The following PIK3R3 variants were observed in gnomAD, a reference collection of about 807,000 sequenced individuals.
The protein encoded by PIK3R3 is phosphatidylinositol 3-kinase regulatory subunit gamma.
Under a neutral mutation model 62.9 loss-of-function variants are expected in PIK3R3, and 64 were observed. That is an observed-to-expected ratio of 1.02 (90% CI 0.83 to 1.25). PIK3R3 has a LOEUF of 1.25. Ranked by LOEUF, PIK3R3 falls within the 50% of genes most tolerant of loss-of-function variation. The probability of loss-of-function intolerance (pLI) is 0.00; values close to 1 mark genes in which losing one functional copy is unlikely to be tolerated. For synonymous variants in PIK3R3, 165 were observed against 189.0 expected (o/e 0.87, Z 1.04); for missense variants, 614 against 561.6 (o/e 1.09, Z -0.94).
chr1:46,090,419 C>A (rs1489336124), intron 1 of PIK3R3, among the ~76,000 whole-genome samples: 1 of 152,152 alleles, frequency 6.6e-6, no homozygotes, highest in Non-Finnish European at 1.5e-5. Flanking sequence ...GCAACCTCCA[C>A]CTCCTAGGTT....
chr1:46,124,137 A>G (rs1272141840), intron 1 of PIK3R3, among the ~76,000 whole-genome samples: 3 of 152,202 alleles, frequency 2.0e-5, no homozygotes. Context: ...CATGTTTTCA[A>G]TAAGAAGCTC....
chr1:46,162,276 A>G, the PIK3R3 span, among the ~76,000 whole-genome samples: 1 of 152,072 alleles, frequency 6.6e-6, no homozygotes, highest in Non-Finnish European at 1.5e-5. Context: ...TGAGCCCAGG[A>G]GTTAGAGACC....
chr1:46,156,317 G>A, the PIK3R3 span, among the ~76,000 whole-genome samples: 3 of 151,772 alleles, frequency 2.0e-5, no homozygotes, highest in Non-Finnish European at 2.9e-5. Flanking sequence ...AAAATTAGCC[G>A]AGCATGGTGG....
chr1:46,171,631 C>A, the PIK3R3 span, among the ~76,000 whole-genome samples: 1 of 152,060 alleles, frequency 6.6e-6, no homozygotes, highest in Non-Finnish European at 1.5e-5. Context: ...CCTGGCGCCC[C>A]AGGGGCTGTC....
upstream of PIK3R3, among the ~76,000 whole-genome samples, chr1:46,138,002 C>T (rs576619130): frequency 2.0e-5 from 3 of 152,276 alleles, no homozygotes; most frequent in Admixed American, 2.0e-4. Context: ...CTGGCTGACC[C>T]TAGGGTCTTC....
At chr1:46,164,817 C>T in the PIK3R3 span, among the ~76,000 whole-genome samples, 1 of 151,908 alleles carries the variant, frequency 6.6e-6, no homozygotes, top group Non-Finnish European at 1.5e-5. Context: ...CATTAACATC[C>T]TTCTCTTCCT....
intron 1 of PIK3R3, among the ~76,000 whole-genome samples, chr1:46,108,022 ATC>A (rs1653377796): frequency 6.6e-6 from 1 of 152,224 alleles, no homozygotes. Flanking sequence ...AGAACTAATA[ATC>A]TCTGTCAAAT....
intron 1 of PIK3R3, among the ~76,000 whole-genome samples, chr1:46,105,647 C>A (rs1399456288): frequency 1.3e-5 from 2 of 151,988 alleles, no homozygotes; most frequent in Admixed American, 6.6e-5. Flanking sequence ...ACAGCGAAAC[C>A]CCATCTCTAC....
chr1:46,127,021 G>A (rs1459141968), intron 1 of PIK3R3, among the ~76,000 whole-genome samples: 1 of 151,832 alleles, frequency 6.6e-6, no homozygotes, highest in Non-Finnish European at 1.5e-5. Context: ...ATTATCTAAG[G>A]AAGAGACGTT....
intron 3 of PIK3R3, among the ~76,000 whole-genome samples, chr1:46,073,284 CCA>C (rs756523787): frequency 2.6e-5 from 4 of 152,102 alleles, no homozygotes; most frequent in Admixed American, 6.6e-5. Context: ...ACCCTGGAAT[CCA>C]GTTATTCCCA....
intron 1 of PIK3R3, among the ~76,000 whole-genome samples, chr1:46,097,080 C>G (rs1468406033): frequency 1.3e-5 from 2 of 151,710 alleles, no homozygotes; most frequent in Non-Finnish European, 2.9e-5. Flanking sequence ...CAAACCAACT[C>G]CAGCAACATA....
chr1:46,075,438 G>C (rs1296846282), intron 3 of PIK3R3, among the ~76,000 whole-genome samples: 9 of 152,080 alleles, frequency 5.9e-5, no homozygotes, highest in Non-Finnish European at 1.2e-4. Context: ...AACACAGGGA[G>C]ACTCCATCTC....
At chr1:46,102,137 C>T (rs1341736113) in intron 1 of PIK3R3, among the ~76,000 whole-genome samples, 11 of 151,856 alleles carry the variant, frequency 7.2e-5, no homozygotes, top group African/African-American at 2.7e-4. Context: ...AGGCGCCCAC[C>T]ACCTCGCCCG....
At chr1:46,144,721 T>TC in the PIK3R3 span, among the ~76,000 whole-genome samples, 1 of 146,908 alleles carries the variant, frequency 6.8e-6, no homozygotes, top group Non-Finnish European at 1.5e-5. Flanking sequence ...TGAGCCAAGA[T>TC]CGTGCCACTG....
intron 6 of PIK3R3, among the ~76,000 whole-genome samples, chr1:46,061,715 C>T (rs1648500774): frequency 6.6e-6 from 1 of 152,144 alleles, no homozygotes; most frequent in Non-Finnish European, 1.5e-5. Flanking sequence ...AACCTGAAGT[C>T]CTAACGGATA....
the PIK3R3 span, among the ~76,000 whole-genome samples, chr1:46,167,138 G>A: frequency 6.6e-6 from 1 of 152,274 alleles, no homozygotes. Context: ...CTGGGCCCTG[G>A]CGACCTTGGG....
chr1:46,156,212 A>T, the PIK3R3 span, among the ~76,000 whole-genome samples: 3 of 152,046 alleles, frequency 2.0e-5, no homozygotes, highest in South Asian at 6.2e-4. Context: ...ATAGGAATTC[A>T]TTGCTGGCTG....
At chr1:46,155,871 G>A in the PIK3R3 span, among the ~76,000 whole-genome samples, 20 of 151,962 alleles carry the variant, frequency 1.3e-4, no homozygotes, top group Non-Finnish European at 1.9e-4. Context: ...TTCAGATTTC[G>A]GTATCCATAA....
At chr1:46,086,154 G>T (rs1337361279) in intron 1 of PIK3R3, among the ~76,000 whole-genome samples, 1 of 152,190 alleles carries the variant, frequency 6.6e-6, no homozygotes, top group Non-Finnish European at 1.5e-5. Context: ...TTAAGTGTGT[G>T]TATGTGTGCA....
Sources: gnomAD v4.1 joint callset for allele counts (sites outside exome capture counted in the v4.1 genomes callset) on GRCh38, gnomAD v4.1.1 for gene constraint, MANE v1.5 for transcripts, NCBI Gene and HGNC (gene_info 2026-07-23, HGNC 2026-07-21) for gene names.